The following C10orf67 variants were observed in gnomAD, a reference collection of about 807,000 sequenced individuals.
C10orf67 encodes the protein chromosome 10 open reading frame 67, also known as uncharacterized protein C10orf67, mitochondrial.
C10orf67 carries 60 observed loss-of-function variants against 35.6 expected under a neutral mutation model. The ratio of observed to expected loss-of-function variants is 1.68; its 90% CI spans 1.37 to 2.09. C10orf67 has a LOEUF of 2.09. Among genes scored for constraint, C10orf67 ranks in the 30% most tolerant of loss-of-function variants. C10orf67 has a pLI of 0.00. For missense variants in C10orf67, 474 were observed against 330.2 expected (o/e 1.44, Z -3.38); for synonymous variants, 167 against 115.8 (o/e 1.44, Z -2.84).
Position 23,267,262 on chromosome 10 carries a change from A to C in C10orf67, c.976-8T>G. ...CTCTTTCTGTTTATTAATCTGTAAA[A>C]TTGAAGACCCATATCATTGGTTATT... On this transcript the variant is annotated splice_polypyrimidine_tract_variant and splice_region_variant and intron_variant, in intron 8 of 15. Transcript: ENST00000636213. 1 of 711,086 alleles carries C rather than the reference A, an allele frequency of 1.4e-6. No individual in the cohort carries two copies. Among genetic ancestry groups the C allele is most frequent in the East Asian group, 2.7e-5 (1 of 37,218 alleles). 44.0% of individuals were successfully genotyped at this position (711,086 alleles called of 1,614,324 possible).
intron 10 of C10orf67, among the ~76,000 whole-genome samples, chr10:23,265,327 T>C (rs1842859799): frequency 6.6e-6 from 1 of 152,236 alleles, no homozygotes; most frequent in Non-Finnish European, 1.5e-5. Flanking sequence ...GCACACGGTG[T>C]GCACAATTCT....
At chr10:23,282,515 T>C (rs1188756480) in intron 7 of C10orf67, among the ~76,000 whole-genome samples, 1 of 152,112 alleles carries the variant, frequency 6.6e-6, no homozygotes, top group Admixed American at 6.5e-5. Flanking sequence ...GTAATCCCAG[T>C]GCTTTGAGAG....
chr10:23,292,668 C>G (rs1843755131), intron 5 of C10orf67, among the ~76,000 whole-genome samples: 1 of 152,094 alleles, frequency 6.6e-6, no homozygotes, highest in Admixed American at 6.6e-5. Flanking sequence ...TTTTGTAGTA[C>G]ATTAATAAGT....
intron 4 of C10orf67, among the ~76,000 whole-genome samples, chr10:23,315,233 C>G (rs764925407): frequency 6.6e-6 from 1 of 152,132 alleles, no homozygotes; most frequent in African/African-American, 2.4e-5. Flanking sequence ...TTAACCAACA[C>G]ATATTTATGA....
chr10:23,220,288 A>C (rs1227072423), intron 15 of C10orf67, among the ~76,000 whole-genome samples: 2 of 152,218 alleles, frequency 1.3e-5, no homozygotes, highest in African/African-American at 4.8e-5. Flanking sequence ...GCTTGGGATT[A>C]TACTATGAAC....
intron 10 of C10orf67, among the ~76,000 whole-genome samples, chr10:23,261,623 T>C (rs560009502): frequency 7.7e-4 from 117 of 152,312 alleles, no homozygotes; most frequent in Middle Eastern, 6.8e-3. Context: ...GTTTTAAAGA[T>C]TTTTTTAAAG....
At position 23,239,817 on chromosome 10, in the gene C10orf67, C is replaced by G. The variant is rs531996176; in HGVS notation, c.1347-1G>C. The G allele has an allele frequency of 6.5e-6, 4 of 611,606 alleles. No homozygotes were observed. In the African/African-American group the frequency reaches 7.1e-5, roughly 11 times the overall value. The allele number at this position is 611,606 out of a possible 1,614,324, so 37.9% of individuals were successfully genotyped here. ...CATCTCATTCTTAAGGACATGAAAGCTGAAATTTTAAAAATGATGAAACTT... is the reference window on the plus strand; with the variant it reads ...CATCTCATTCTTAAGGACATGAAAGGTGAAATTTTAAAAATGATGAAACTT... On this transcript the variant is annotated splice_acceptor_variant, in intron 12 of 15. Coordinates refer to ENST00000636213, the MANE Select transcript of C10orf67 (RefSeq NM_001371909.1). LOFTEE classifies it high-confidence loss of function.
Position 23,208,580 on chromosome 10 carries a change from G to T in C10orf67, c.1571-4325C>A, listed in dbSNP as rs117789238. 1.1e-3 allele frequency among the ~76,000 whole-genome samples: 160 copies of T among 152,264 alleles called. 1 individual carries two copies. The East Asian group carries it at 0.027, about 26-fold the overall frequency. On this transcript the variant is annotated intron_variant, in intron 15 of 15. Coordinates refer to ENST00000636213, the MANE Select transcript of C10orf67 (RefSeq NM_001371909.1). Reference sequence around the variant, plus strand: ...GACTGTCTTAGAACATAAATTCCAGGCACTGAGAAAAATCTCTATATCCTC... The same window carrying T: ...GACTGTCTTAGAACATAAATTCCAGTCACTGAGAAAAATCTCTATATCCTC...
At chr10:23,212,531 A>G (rs1841335471) in intron 15 of C10orf67, among the ~76,000 whole-genome samples, 1 of 152,160 alleles carries the variant, frequency 6.6e-6, no homozygotes, top group African/African-American at 2.4e-5. Context: ...TTGAGAAACA[A>G]CAACAACAAC....
intron 7 of C10orf67, among the ~76,000 whole-genome samples, chr10:23,289,428 T>G (rs985928794): frequency 1.3e-5 from 2 of 152,176 alleles, no homozygotes; most frequent in Non-Finnish European, 2.9e-5. Context: ...CCTGCAAAGC[T>G]GCTAGGATTA....
chr10:23,319,326 G>A lies in C10orf67; in HGVS notation c.546+1415C>T, dbSNP rs118163635. On this transcript the variant is annotated intron_variant, in intron 4 of 15. Coordinates refer to ENST00000636213, the MANE Select transcript of C10orf67 (RefSeq NM_001371909.1). ...CCAGCTCCATCCATGTTGCTGCAAA[G>A]GATGTGATTTTATTATTTTTTATGG... Among the ~76,000 whole-genome samples, 932 of 152,246 alleles carry A rather than the reference G, an allele frequency of 6.1e-3. 22 individuals carry two copies. In the East Asian group the frequency reaches 0.079, roughly 13 times the overall value.
intron 12 of C10orf67, among the ~76,000 whole-genome samples, chr10:23,248,710 G>T (rs112410102): frequency 1.3e-3 from 191 of 152,198 alleles, no homozygotes; most frequent in African/African-American, 4.5e-3. Context: ...AAATGCACTC[G>T]CTACGGTGCT....
At chr10:23,342,731 C>G (rs566419074) in intron 1 of C10orf67, among the ~76,000 whole-genome samples, 1 of 152,214 alleles carries the variant, frequency 6.6e-6, no homozygotes, top group Non-Finnish European at 1.5e-5. Flanking sequence ...GACCAGGTCC[C>G]GTGCACCCTG....
Position 23,239,722 on chromosome 10 carries a change from C to T in C10orf67, c.1434+7G>A. ...ACAAACAGCATCTAAACATTACATG[C>T]ACTTACAATATAATTGAAGGATGTG... On this transcript the variant is annotated splice_region_variant and intron_variant, in intron 13 of 15. Transcript: ENST00000636213. 1.5e-6 allele frequency: 1 copy of T among 649,162 alleles called. No individual in the cohort carries two copies. The highest frequency in any genetic ancestry group is 3.0e-6 in the Non-Finnish European group (1 of 335,792). The allele number at this position is 649,162 out of a possible 1,614,324, so 40.2% of individuals were successfully genotyped here.
chr10:23,289,337 T>A (rs190372659), intron 7 of C10orf67, among the ~76,000 whole-genome samples: 209 of 152,300 alleles, frequency 1.4e-3, no homozygotes, highest in African/African-American at 4.6e-3. Flanking sequence ...CTAATTTTTT[T>A]AATTTTTATA....
chr10:23,329,763 A>G (rs1296120701), intron 2 of C10orf67, among the ~76,000 whole-genome samples: 2 of 129,046 alleles, frequency 1.5e-5, no homozygotes, highest in African/African-American at 2.9e-5. Flanking sequence ...TTGTCACTGC[A>G]CTCCAGCCTG....
chr10:23,259,814 A>C (rs1412466444), intron 10 of C10orf67, among the ~76,000 whole-genome samples: 1 of 152,146 alleles, frequency 6.6e-6, no homozygotes, highest in Non-Finnish European at 1.5e-5. Flanking sequence ...AATATAACTG[A>C]AAAAAGTAAT....
At chr10:23,254,666 T>C (rs1409436763) in intron 10 of C10orf67, among the ~76,000 whole-genome samples, 1 of 152,204 alleles carries the variant, frequency 6.6e-6, no homozygotes, top group African/African-American at 2.4e-5. Context: ...ACTTATATCA[T>C]ATTTTTAAAA....
intron 13 of C10orf67, among the ~76,000 whole-genome samples, chr10:23,224,299 A>G (rs995618772): frequency 2.0e-5 from 3 of 152,230 alleles, no homozygotes; most frequent in African/African-American, 7.2e-5. Flanking sequence ...AAACTCCAAC[A>G]GACCTGCAGC....
Sources: allele counts gnomAD v4.1 joint callset (sites outside exome capture counted in the v4.1 genomes callset), GRCh38; gene constraint gnomAD v4.1.1; transcripts MANE v1.5; gene names NCBI Gene and HGNC (gene_info 2026-07-23, HGNC 2026-07-21).